Variants in COL2A1 observed in about 807,000 individuals in gnomAD.
COL2A1 encodes the protein collagen alpha-1(II) chain.
COL2A1 carries 28 observed loss-of-function variants against 204.5 expected under a neutral mutation model. That is an observed-to-expected ratio of 0.14 (90% CI 0.10 to 0.19). The LOEUF (loss-of-function observed/expected upper bound fraction) is 0.19, where lower values mean the gene tolerates loss of function less well. COL2A1 is among the 10% of genes least tolerant of loss of function. The pLI, the probability that COL2A1 is intolerant of heterozygous loss-of-function variation, is 1.00. For missense variants in COL2A1, 1,388 were observed against 2,027.5 expected (o/e 0.68, Z 6.06); for synonymous variants, 708 against 718.7 (o/e 0.99, Z 0.24).
chr12:47,976,089 G>T lies in COL2A1; in HGVS notation c.3490-19C>A, dbSNP rs200223738. 509 of 1,578,320 alleles carry T rather than the reference G, an allele frequency of 3.2e-4. No homozygotes were observed. The highest frequency in any genetic ancestry group is 4.2e-4 in the Non-Finnish European group (484 of 1,147,380). ...GAGGACCCTGCAAGAGAGAGAGGTC[G>T]TGAGGAAAGAGTGGTCACCACAGGG... On this transcript the variant is annotated intron_variant, in intron 49 of 53. Transcript: ENST00000380518. This position sits in a 1 kb window ranked among gnomAD's most constrained non-coding sequence, Gnocchi z 4.3.
chr12:48,002,239 G>A (rs1031636388), intron 1 of COL2A1, among the ~76,000 whole-genome samples: 26 of 152,296 alleles, frequency 1.7e-4, no homozygotes, highest in African/African-American at 5.8e-4. Flanking sequence ...CCTGAGCCAG[G>A]GGCACTTTCG....
chr12:47,984,454 C>A, intron 28 of COL2A1, 92 bp downstream of exon 28: 1 of 1,345,862 alleles, frequency 7.4e-7, no homozygotes. Flanking sequence ...ACTGAGGGGT[C>A]CCGGGACCAT....
At chr12:47,996,038 GGGCCTAGAGT>G in intron 8 of COL2A1, 119 bp from the exon 9 acceptor site, 1 of 802,832 alleles carries the variant, frequency 1.2e-6, no homozygotes. Flanking sequence ...TGTGGGCAAG[GGGCCTAGAGT>G]GGCTGCTCCC....
rs537171335 is a variant in COL2A1, at chr12:47,985,296, C to T, written c.1735-203G>A. ...AGAAAGCTGCCCCAGAAAGTGCACACACGATGTCATCATTCCCCCAAGGAT... is the reference window on the plus strand; with the variant it reads ...AGAAAGCTGCCCCAGAAAGTGCACATACGATGTCATCATTCCCCCAAGGAT... On this transcript the variant is annotated intron_variant, in intron 26 of 53. Coordinates refer to ENST00000380518, the MANE Select transcript of COL2A1 (RefSeq NM_001844.5). 5.3e-5 allele frequency among the ~76,000 whole-genome samples: 8 copies of T among 152,310 alleles called. No homozygotes were observed. In the South Asian group the frequency reaches 8.3e-4, roughly 16 times the overall value.
chr12:47,986,235 C>A, intron 23 of COL2A1, 101 bp downstream of exon 23: 1 of 871,428 alleles, frequency 1.1e-6, no homozygotes, highest in Non-Finnish European at 1.9e-6. Context: ...GGATGACATG[C>A]GGAAAAGTCA....
chr12:47,997,633 G>GGGGGGACCAGGGGGT lies in COL2A1; in HGVS notation c.503_504insACCCCCTGGTCCCCC (p.Pro169_Pro173dup). ...CACCAAGACCAGGGGGACCAGGGGGGCCGGGAGGACCAGGGGGGCCAGGAT... is the reference window on the plus strand; with the variant it reads ...CACCAAGACCAGGGGGACCAGGGGGGGGGGGACCAGGGGGTCCGGGAGGACCAGGGGGGCCAGGAT... On this transcript the variant is annotated inframe_insertion, in exon 7 of 54. Transcript: ENST00000380518. The GGGGGGACCAGGGGGT allele has an allele frequency of 6.2e-7, 1 of 1,613,466 alleles. No individual in the cohort carries two copies. Among genetic ancestry groups the GGGGGGACCAGGGGGT allele is most frequent in the Non-Finnish European group, 8.5e-7 (1 of 1,179,774 alleles).
Position 47,981,782 on chromosome 12 carries a change from G to A in COL2A1, c.2403C>T (p.Gly801=), listed in dbSNP as rs145766709. The A allele has an allele frequency of 5.8e-6, 9 of 1,553,794 alleles. No homozygotes were observed. The highest frequency in any genetic ancestry group is 2.7e-5 in the African/African-American group (2 of 73,242). The part of the protein sequence containing the change: ...IGPPGPAGAN[G]EKGEVGPPGP... ...GAAAGGAGCCGGGACTCACCTTCTC[G>A]CCATTAGCACCAGCTGGGCCAGGGG... Residue 801 remains glycine (G), a synonymous_variant, in exon 36 of 54, where the codon GGC becomes GGT. Coordinates refer to ENST00000380518, the MANE Select transcript of COL2A1 (RefSeq NM_001844.5).
intron 27 of COL2A1, 71 bp downstream of exon 27, chr12:47,984,924 C>T (rs1041972122): frequency 8.3e-6 from 11 of 1,319,388 alleles, no homozygotes; most frequent in Non-Finnish European, 1.2e-5. Context: ...AGGACCCAGC[C>T]CTTTCCCCAA....
intron 11 of COL2A1, 63 bp from the exon 12 acceptor site, chr12:47,994,540 C>T: frequency 6.4e-7 from 1 of 1,573,826 alleles, no homozygotes; most frequent in Non-Finnish European, 8.7e-7. Context: ...TGGGGGCACC[C>T]CAGAGGGCTT....
Position 47,978,465 on chromosome 12 carries a change from CTCTG to C in COL2A1, c.2896-71_2896-68del, listed in dbSNP as rs562926972. The C allele has an allele frequency of 1.3e-4, 201 of 1,571,336 alleles. 3 individuals are homozygous for C. In the South Asian group the frequency reaches 2.2e-3, roughly 17 times the overall value. ...AGCCTCTTCTGTCCTCTCAGCACAG[CTCTG>C]TCTGTGCAGCCCCGCTCCCTGGCAT... is the stretch of plus-strand genomic sequence containing the variant. On this transcript the variant is annotated intron_variant, in intron 42 of 53. Transcript: ENST00000380518. This position sits in a 1 kb window ranked among gnomAD's most constrained non-coding sequence, Gnocchi z 5.5.
intron 22 of COL2A1, 66 bp downstream of exon 22, chr12:47,986,769 G>A (rs373925179): frequency 8.5e-5 from 134 of 1,573,912 alleles, no homozygotes; most frequent in Middle Eastern, 3.3e-4. Context: ...GTGGGTCAGT[G>A]GGGCTGAGGC....
rs1938737050 is a variant in COL2A1 at position 47,976,919 on chromosome 12, C to A, written c.3328G>T (p.Gly1110Cys). 6.2e-7 allele frequency: 1 copy of A among 1,602,162 alleles called. No homozygotes were observed. Among genetic ancestry groups the A allele is most frequent in the South Asian group, 1.1e-5 (1 of 88,990 alleles). The stretch of plus-strand genomic sequence containing the variant: ...TTGTCACCTCTGGGGCCTTGAGGAC[C>A]CTGGGAACAAGACAGACACCGATTG... The part of the protein sequence containing the change: ...SGPAGARGIQ[G>C]PQGPRGDKGE... The change falls in exon 48 of 54, where the codon GGT becomes TGT. Residue 1110 changes from glycine to cysteine, a missense_variant and splice_region_variant. This residue lies in a region of COL2A1 where 884 missense variants were observed against 1,415.8 expected (regional missense o/e 0.62). Coordinates refer to ENST00000380518, the MANE Select transcript of COL2A1 (RefSeq NM_001844.5). The surrounding 1 kb of genome is among the most constrained non-coding windows in gnomAD (Gnocchi z 4.3).
At chr12:47,984,447 G>T in intron 28 of COL2A1, 99 bp downstream of exon 28, 1 of 1,252,012 alleles carries the variant, frequency 8.0e-7, no homozygotes, top group Non-Finnish European at 1.2e-6. Flanking sequence ...ACTCAATACT[G>T]AGGGGTCCCG....
rs561347162 is a variant in COL2A1 at position 47,978,572 on chromosome 12, G to A, written c.2895+25C>T. 19 of 1,613,312 alleles carry A rather than the reference G, an allele frequency of 1.2e-5. No individual in the cohort carries two copies. In the Admixed American group the frequency reaches 1.5e-4, roughly 13 times the overall value. Reference sequence around the variant, plus strand: ...TCACGACCCTGCTCCCAGGGACCTTGGCATGGGCCTGGTGAGGGACTTACA... The same window carrying A: ...TCACGACCCTGCTCCCAGGGACCTTAGCATGGGCCTGGTGAGGGACTTACA... On this transcript the variant is annotated intron_variant, in intron 42 of 53. Coordinates refer to ENST00000380518, the MANE Select transcript of COL2A1 (RefSeq NM_001844.5). The surrounding 1 kb of genome is among the most constrained non-coding windows in gnomAD (Gnocchi z 5.5).
Position 47,987,858 on chromosome 12 carries a change from C to T in COL2A1, c.1123-149G>A. 1.5e-6 allele frequency: 1 copy of T among 689,174 alleles called. No homozygotes were observed. The allele number at this position is 689,174 out of a possible 1,614,324, so 42.7% of individuals were successfully genotyped here. ...GCACATGAACATGTGCGTTCACACA[C>T]AGTTCACGCTGCCGTTTTTCTCCCT... On this transcript the variant is annotated intron_variant, in intron 18 of 53. Coordinates refer to ENST00000380518, the MANE Select transcript of COL2A1 (RefSeq NM_001844.5). The surrounding 1 kb of genome is among the most constrained non-coding windows in gnomAD (Gnocchi z 4.1).
chr12:47,977,765 C>G (rs1938804914), intron 44 of COL2A1, 112 bp from the exon 45 acceptor site: 10 of 1,276,232 alleles, frequency 7.8e-6, no homozygotes, highest in African/African-American at 3.0e-5. Context: ...CCAACTCACT[C>G]ACACTTTGAA....
chr12:48,004,432 G>T lies in COL2A1; in HGVS notation c.-111C>A. 1 of 628,040 alleles carries T rather than the reference G, an allele frequency of 1.6e-6. No homozygotes were observed. The highest frequency in any genetic ancestry group is 1.9e-5 in the South Asian group (1 of 51,424). 38.9% of individuals were successfully genotyped at this position (628,040 alleles called of 1,614,324 possible). A position where few individuals can be genotyped will look rare whatever the true frequency, so the allele number is the denominator to read the frequency against. On this transcript the variant is annotated 5_prime_UTR_variant, in exon 1 of 54. Coordinates refer to ENST00000380518, the MANE Select transcript of COL2A1 (RefSeq NM_001844.5). ...CGCCCTCATGCAGGAGGCCCTTGGA[G>T]CAGGAGGGGGAAGCGGGAGACCCGG...
chr12:47,984,181 C>T lies in COL2A1; in HGVS notation c.1888-41G>A, dbSNP rs557585133. 30 of 1,591,770 alleles carry T rather than the reference C, an allele frequency of 1.9e-5. No homozygotes were observed. In the African/African-American group the frequency reaches 4.0e-4, roughly 21 times the overall value. ...AAAGAAAAGTCAATGACACGCTTTTCTTCCCACTTGCAGTCCCCCTAGGAT... is the reference window on the plus strand; with the variant it reads ...AAAGAAAAGTCAATGACACGCTTTTTTTCCCACTTGCAGTCCCCCTAGGAT... On this transcript the variant is annotated intron_variant, in intron 28 of 53. Coordinates refer to ENST00000380518, the MANE Select transcript of COL2A1 (RefSeq NM_001844.5).
In COL2A1 at chr12:47,996,613, G is replaced by T; in HGVS notation, c.544C>A (p.Gln182Lys). Residue 182 changes from glutamine (Q) to lysine (K), a missense_variant, in exon 8 of 54, where the codon CAG becomes AAG. Around this residue, in one of 3 missense-constraint regions of COL2A1, gnomAD observed 201 missense variants for 242.4 expected, o/e 0.83. Coordinates refer to ENST00000380518, the MANE Select transcript of COL2A1 (RefSeq NM_001844.5). Reference sequence around the variant, plus strand: ...TTTTCATCAAATCCTCCAGCCATCTGGGCAGCAAAGTTCTGCAAAGAAACC... The same window carrying T: ...TTTTCATCAAATCCTCCAGCCATCTTGGCAGCAAAGTTCTGCAAAGAAACC... ...PPGLGGNFAA[Q>K]MAGGFDEKAG... 1 of 1,614,132 alleles carries T rather than the reference G, an allele frequency of 6.2e-7. No individual in the cohort carries two copies. The highest frequency in any genetic ancestry group is 8.5e-7 in the Non-Finnish European group (1 of 1,180,004).
Sources: allele counts gnomAD v4.1 joint callset (sites outside exome capture counted in the v4.1 genomes callset), GRCh38; gene constraint gnomAD v4.1.1; regional missense constraint gnomAD v4.1.1; non-coding constraint Gnocchi (gnomAD v3.1); transcripts MANE v1.5; gene names NCBI Gene and HGNC (gene_info 2026-07-23, HGNC 2026-07-21).